POFUT3: variants seen among roughly 807,000 people sequenced by gnomAD.
The protein encoded by POFUT3 is protein O-fucosyltransferase 3, also known as GDP-fucose protein O-fucosyltransferase 3.
chr8:33,360,421 G>A, the POFUT3 span, among the ~76,000 whole-genome samples: 3 of 151,688 alleles, frequency 2.0e-5, no homozygotes, highest in African/African-American at 4.9e-5. Context: ...GCTCCAGCCT[G>A]GGCAATAGAG....
the POFUT3 span, among the ~76,000 whole-genome samples, chr8:33,464,016 C>T: frequency 1.3e-5 from 2 of 152,108 alleles, no homozygotes; most frequent in Non-Finnish European, 2.9e-5. Context: ...ATCCCAATTC[C>T]CCAGCTGGCT....
the POFUT3 span, chr8:33,451,866 GA>G: frequency 3.9e-5 from 6 of 152,086 alleles, no homozygotes; most frequent in African/African-American, 1.4e-4. Flanking sequence ...GCCAGCAGGG[GA>G]AATGCCAGAT....
chr8:33,309,167 A>AAAAATAT, the POFUT3 span, among the ~76,000 whole-genome samples: 10 of 53,680 alleles, frequency 1.9e-4, no homozygotes, highest in Non-Finnish European at 2.5e-4. Flanking sequence ...AAAAAAAAAA[A>AAAAATAT]ATATATATAT....
chr8:33,408,311 T>TAA, the POFUT3 span, among the ~76,000 whole-genome samples: 5 of 138,874 alleles, frequency 3.6e-5, no homozygotes, highest in Middle Eastern at 7.4e-3. Context: ...CTCTGTCTCT[T>TAA]AAAAAAAAAA....
chr8:33,408,537 C>T, the POFUT3 span, among the ~76,000 whole-genome samples: 1 of 152,022 alleles, frequency 6.6e-6, no homozygotes, highest in South Asian at 2.1e-4. Flanking sequence ...CCTTCAATTG[C>T]CTCAGCATGG....
the POFUT3 span, chr8:33,451,614 G>A: frequency 1.3e-5 from 2 of 151,922 alleles, no homozygotes; most frequent in African/African-American, 4.8e-5. Context: ...ATGTGTATAT[G>A]TGTATATATG....
the POFUT3 span, among the ~76,000 whole-genome samples, chr8:33,378,751 C>A: frequency 6.6e-6 from 1 of 152,096 alleles, no homozygotes; most frequent in South Asian, 2.1e-4. Flanking sequence ...CCCCAGGCCC[C>A]ACTTTAAACA....
At chr8:33,373,574 G>A in the POFUT3 span, among the ~76,000 whole-genome samples, 2 of 152,084 alleles carry the variant, frequency 1.3e-5, no homozygotes, top group Middle Eastern at 3.4e-3. Flanking sequence ...GGCTACACTC[G>A]GCAGCCCTTC....
the POFUT3 span, among the ~76,000 whole-genome samples, chr8:33,418,439 A>ATTTTTTTTT: frequency 8.7e-6 from 1 of 114,428 alleles, no homozygotes; most frequent in Non-Finnish European, 1.7e-5. Flanking sequence ...TTGAGATGGG[A>ATTTTTTTTT]TTATAGGCAC....
chr8:33,338,484 C>A, the POFUT3 span, among the ~76,000 whole-genome samples: 1 of 152,116 alleles, frequency 6.6e-6, no homozygotes, highest in Non-Finnish European at 1.5e-5. Flanking sequence ...GTAACAAGAT[C>A]CCCCCTCCTA....
chr8:33,360,972 G>C, the POFUT3 span: 1 of 152,200 alleles, frequency 6.6e-6, no homozygotes, highest in African/African-American at 2.4e-5. Context: ...AAACATCTGT[G>C]ATGAAACTTT....
chr8:33,443,009 A>G, the POFUT3 span, among the ~76,000 whole-genome samples: 1 of 152,096 alleles, frequency 6.6e-6, no homozygotes, highest in Non-Finnish European at 1.5e-5. Context: ...GCTACTCAGG[A>G]GGCTGAGATG....
At chr8:33,449,102 G>A in the POFUT3 span, among the ~76,000 whole-genome samples, 10 of 152,140 alleles carry the variant, frequency 6.6e-5, no homozygotes, top group Non-Finnish European at 1.2e-4. Context: ...AAGACCAAAC[G>A]CCATAGCTGC....
chr8:33,311,463 C>T, the POFUT3 span, among the ~76,000 whole-genome samples: 1 of 152,166 alleles, frequency 6.6e-6, no homozygotes, highest in East Asian at 1.9e-4. Context: ...AGGGGATAAC[C>T]ATCATTACTT....
the POFUT3 span, among the ~76,000 whole-genome samples, chr8:33,308,658 G>A: frequency 4.6e-5 from 7 of 152,098 alleles, no homozygotes; most frequent in Non-Finnish European, 7.4e-5. Flanking sequence ...GCACTGTTTC[G>A]GAGAAATCTG....
chr8:33,413,345 C>T, the POFUT3 span, among the ~76,000 whole-genome samples: 1 of 152,008 alleles, frequency 6.6e-6, no homozygotes, highest in South Asian at 2.1e-4. Context: ...CGCTCACTTG[C>T]TTGCTCACTC....
chr8:33,462,778 C>T, the POFUT3 span, among the ~76,000 whole-genome samples: 1 of 151,892 alleles, frequency 6.6e-6, no homozygotes, highest in South Asian at 2.1e-4. Flanking sequence ...GAAAATTTTA[C>T]AAATTAGCTG....
the POFUT3 span, among the ~76,000 whole-genome samples, chr8:33,432,099 A>T: frequency 6.6e-6 from 1 of 152,044 alleles, no homozygotes; most frequent in Non-Finnish European, 1.5e-5. Context: ...ACATAGTGAG[A>T]CCCTGTCTCT....
chr8:33,343,313 T>C, the POFUT3 span, among the ~76,000 whole-genome samples: 2 of 152,224 alleles, frequency 1.3e-5, no homozygotes, highest in African/African-American at 4.8e-5. Context: ...TATCTTCATC[T>C]GATGGATACT....
Sources: allele counts gnomAD v4.1 joint callset (sites outside exome capture counted in the v4.1 genomes callset), GRCh38; gene constraint gnomAD v4.1.1; transcripts MANE v1.5; gene names NCBI Gene and HGNC (gene_info 2026-07-23, HGNC 2026-07-21).